Variants in SGCZ observed in about 807,000 individuals in gnomAD.
The protein encoded by SGCZ is sarcoglycan zeta, also known as zeta-sarcoglycan.
A neutral mutation model predicts 41.3 loss-of-function variants in SGCZ; 40 were observed. The observed-to-expected ratio is 0.97, with a 90% CI of 0.75 to 1.26. The LOEUF is 1.26. Ranked by LOEUF, SGCZ falls within the 50% of genes most tolerant of loss-of-function variation. The pLI, the probability that SGCZ is intolerant of heterozygous loss-of-function variation, is 0.00. For synonymous variants in SGCZ, 206 were observed against 137.5 expected, an observed-to-expected ratio of 1.50 and a Z score of -3.49; for missense variants, 552 against 369.8, an observed-to-expected ratio of 1.49 and a Z score of -4.04.
At chr8:14,980,935 C>G (rs1383564231) in intron 1 of SGCZ, among the ~76,000 whole-genome samples, 1 of 152,192 alleles carries the variant, frequency 6.6e-6, no homozygotes, top group Non-Finnish European at 1.5e-5. Flanking sequence ...ATTCTACCAC[C>G]TACTCCCCAC....
intron 1 of SGCZ, among the ~76,000 whole-genome samples, chr8:15,172,167 T>TATTTTATTTTATTTTATTTA (rs1445609095): frequency 2.3e-5 from 3 of 132,416 alleles, no homozygotes; most frequent in African/African-American, 8.7e-5. Flanking sequence ...TTTTTTTTTT[T>TATTTTATTTTATTTTATTTA]TTTTTTTTTT....
intron 4 of SGCZ, among the ~76,000 whole-genome samples, chr8:14,220,925 C>T (rs1806170843): frequency 1.3e-5 from 2 of 152,054 alleles, no homozygotes; most frequent in Non-Finnish European, 1.5e-5. Flanking sequence ...TTGGAAGTAA[C>T]CATGTTGTCA....
At chr8:14,179,963 G>T (rs918403582) in intron 4 of SGCZ, among the ~76,000 whole-genome samples, 2 of 152,186 alleles carry the variant, frequency 1.3e-5, no homozygotes, top group African/African-American at 4.8e-5. Flanking sequence ...CCAAGCACTA[G>T]GGGCCTCTCT....
chr8:14,377,301 G>C (rs1804167597), intron 2 of SGCZ, among the ~76,000 whole-genome samples: 2 of 152,160 alleles, frequency 1.3e-5, no homozygotes, highest in African/African-American at 4.8e-5. Context: ...ACACATGGAG[G>C]TTTGGGAGGG....
intron 3 of SGCZ, among the ~76,000 whole-genome samples, chr8:14,239,853 G>A (rs1374518195): frequency 4.2e-5 from 5 of 119,668 alleles, no homozygotes; most frequent in Non-Finnish European, 8.0e-5. Context: ...AGTGAGCCGA[G>A]ATCCCACCAC....
chr8:14,462,306 T>A (rs972060930), intron 2 of SGCZ, among the ~76,000 whole-genome samples: 3 of 152,014 alleles, frequency 2.0e-5, no homozygotes, highest in Admixed American at 6.6e-5. Context: ...CAGGTATTTA[T>A]GCATTTACAA....
intron 5 of SGCZ, among the ~76,000 whole-genome samples, chr8:14,117,701 A>G (rs145557642): frequency 1.3e-5 from 2 of 151,512 alleles, no homozygotes; most frequent in Admixed American, 6.6e-5. Context: ...CATCATCTAC[A>G]TTAGGTATTT....
intron 1 of SGCZ, among the ~76,000 whole-genome samples, chr8:14,779,731 T>C (rs1313264677): frequency 2.0e-5 from 3 of 152,132 alleles, no homozygotes; most frequent in Admixed American, 6.6e-5. Flanking sequence ...TAGGGTTTAG[T>C]TGGTGTGGGT....
At chr8:14,443,731 C>A (rs1223802012) in intron 2 of SGCZ, among the ~76,000 whole-genome samples, 1 of 152,174 alleles carries the variant, frequency 6.6e-6, no homozygotes. Flanking sequence ...TAGGCATTAC[C>A]ATTCAGGACA....
At chr8:14,518,374 T>A (rs73190265) in intron 2 of SGCZ, among the ~76,000 whole-genome samples, 23,215 of 152,058 alleles carry the variant, frequency 0.15, 2,034 homozygotes, top group Admixed American at 0.21. Context: ...ACTACACGTA[T>A]AAAATAAATA....
intron 2 of SGCZ, among the ~76,000 whole-genome samples, chr8:14,503,418 C>T (rs1460227909): frequency 1.3e-5 from 2 of 152,006 alleles, no homozygotes; most frequent in African/African-American, 4.8e-5. Context: ...ACATTCTGCA[C>T]ATGTATCCCA....
At chr8:14,664,842 A>C (rs574838383) in intron 1 of SGCZ, among the ~76,000 whole-genome samples, 1 of 152,246 alleles carries the variant, frequency 6.6e-6, no homozygotes, top group East Asian at 1.9e-4. Context: ...ATCTGCTTCC[A>C]AATATCTCAT....
intron 1 of SGCZ, among the ~76,000 whole-genome samples, chr8:14,567,362 C>T (rs550481328): frequency 1.2e-3 from 190 of 152,242 alleles, no homozygotes; most frequent in Non-Finnish European, 2.3e-3. Context: ...ATGCACCAAT[C>T]GGCACTCTGT....
intron 4 of SGCZ, among the ~76,000 whole-genome samples, chr8:14,171,069 C>T (rs1804364671): frequency 6.6e-6 from 1 of 151,080 alleles, no homozygotes; most frequent in African/African-American, 2.4e-5. Context: ...GTGGAAGTTG[C>T]AAACCCATTT....
intron 1 of SGCZ, among the ~76,000 whole-genome samples, chr8:14,978,900 G>A (rs1167554529): frequency 6.6e-6 from 1 of 152,140 alleles, no homozygotes; most frequent in Non-Finnish European, 1.5e-5. Flanking sequence ...CCAGGCTCAA[G>A]ACATTCTCCC....
intron 1 of SGCZ, among the ~76,000 whole-genome samples, chr8:14,662,945 A>G (rs1807802254): frequency 6.6e-6 from 1 of 152,174 alleles, no homozygotes; most frequent in Non-Finnish European, 1.5e-5. Context: ...GCTGACAGCC[A>G]GCAAGAAAAC....
chr8:14,861,159 C>A (rs1803734541), intron 1 of SGCZ, among the ~76,000 whole-genome samples: 1 of 152,138 alleles, frequency 6.6e-6, no homozygotes, highest in African/African-American at 2.4e-5. Context: ...TTAAAACTTA[C>A]CCCAAATGGA....
At chr8:14,436,969 C>A (rs1800111252) in intron 2 of SGCZ, among the ~76,000 whole-genome samples, 1 of 152,104 alleles carries the variant, frequency 6.6e-6, no homozygotes, top group African/African-American at 2.4e-5. Flanking sequence ...AGATGAAAAT[C>A]CAAACTTTTA....
At chr8:14,912,777 T>A (rs1296784665) in intron 1 of SGCZ, among the ~76,000 whole-genome samples, 1 of 152,036 alleles carries the variant, frequency 6.6e-6, no homozygotes, top group African/African-American at 2.4e-5. Flanking sequence ...CCAGAATTGA[T>A]GAAAAATGAA....
Sources: allele counts gnomAD v4.1 joint callset (sites outside exome capture counted in the v4.1 genomes callset), GRCh38; gene constraint gnomAD v4.1.1; transcripts MANE v1.5; gene names NCBI Gene and HGNC (gene_info 2026-07-23, HGNC 2026-07-21).